Variants in KIF18A observed in about 807,000 individuals in gnomAD.
The protein encoded by KIF18A is kinesin-like protein KIF18A.
KIF18A carries 67 observed loss-of-function variants against 103.3 expected under a neutral mutation model. That is an observed-to-expected ratio of 0.65 (90% CI 0.53 to 0.79). The LOEUF is 0.79. KIF18A is among the 30% of genes least tolerant of loss of function. The probability of loss-of-function intolerance (pLI) is 0.00; values close to 1 mark genes in which losing one functional copy is unlikely to be tolerated. For synonymous variants in KIF18A, 367 were observed against 355.5 expected (o/e 1.03, Z -0.36); for missense variants, 1,032 against 1,062.5 (o/e 0.97, Z 0.40).
chr11:28,077,053 C>T lies in KIF18A; in HGVS notation c.1379G>A (p.Cys460Tyr), dbSNP rs542305664. Residue 460 changes from cysteine to tyrosine, a missense_variant, in exon 10 of 17, where the codon TGC becomes TAC. Transcript: ENST00000263181. The part of the protein sequence containing the change: ...NELKSFYQQQ[C>Y]HKQIEMMCSE... ...ACACATCATTTCTATTTGTTTATGGCACTGTTGTTGGTAGAATGATTTAAG... is the reference window on the plus strand; with the variant it reads ...ACACATCATTTCTATTTGTTTATGGTACTGTTGTTGGTAGAATGATTTAAG... 17 of 1,572,424 alleles carry T rather than the reference C, an allele frequency of 1.1e-5. No homozygotes were observed. In the South Asian group the frequency reaches 1.9e-4, roughly 17 times the overall value.
chr11:28,059,657 CTT>C (rs1850833804), intron 12 of KIF18A, among the ~76,000 whole-genome samples: 1 of 151,986 alleles, frequency 6.6e-6, no homozygotes, highest in Non-Finnish European at 1.5e-5. Context: ...GTCTCAAACA[CTT>C]AGCCTCAAGA....
intron 13 of KIF18A, among the ~76,000 whole-genome samples, chr11:28,047,263 C>G (rs1473988243): frequency 6.6e-6 from 1 of 151,888 alleles, no homozygotes; most frequent in African/African-American, 2.4e-5. Flanking sequence ...AAACCAAATG[C>G]TTGGTTTTAG....
At chr11:28,055,856 A>G (rs376815217) in intron 13 of KIF18A, among the ~76,000 whole-genome samples, 1 of 152,332 alleles carries the variant, frequency 6.6e-6, no homozygotes, top group African/African-American at 2.4e-5. Flanking sequence ...CAGTCTAAAC[A>G]GATCCAGTGG....
chr11:28,079,580 T>C (rs1851137297), intron 9 of KIF18A, among the ~76,000 whole-genome samples: 1 of 152,110 alleles, frequency 6.6e-6, no homozygotes, highest in Admixed American at 6.6e-5. Context: ...TCCAAAACAG[T>C]ATGAATAACC....
chr11:28,076,219 T>C (rs1400331012), intron 10 of KIF18A, among the ~76,000 whole-genome samples: 1 of 152,114 alleles, frequency 6.6e-6, no homozygotes. Context: ...AAAAAAATAG[T>C]AAAACTGATT....
intron 1 of KIF18A, among the ~76,000 whole-genome samples, 162 bp downstream of exon 1, chr11:28,107,902 C>T (rs1220432462): frequency 6.6e-6 from 1 of 152,148 alleles, no homozygotes; most frequent in Non-Finnish European, 1.5e-5. Flanking sequence ...TTCTCGAATC[C>T]CTTTTTCCTT....
At chr11:28,088,449 AATC>A (rs1851259918) in intron 6 of KIF18A, 72 bp downstream of exon 6, 1 of 1,271,064 alleles carries the variant, frequency 7.9e-7, no homozygotes, top group Admixed American at 1.9e-5. Context: ...TTTAAAACAA[AATC>A]ATATTAAATA....
intron 2 of KIF18A, among the ~76,000 whole-genome samples, chr11:28,096,482 G>T (rs1851375270): frequency 6.6e-6 from 1 of 152,120 alleles, no homozygotes; most frequent in Non-Finnish European, 1.5e-5. Flanking sequence ...TAAAGACAGG[G>T]TAAGAATATA....
At chr11:28,053,802 G>A (rs1850742781) in intron 13 of KIF18A, among the ~76,000 whole-genome samples, 1 of 151,798 alleles carries the variant, frequency 6.6e-6, no homozygotes, top group Admixed American at 6.6e-5. Context: ...GAGCTGATAA[G>A]TTTTAAAGTT....
At chr11:28,073,420 T>C (rs1457295129) in intron 10 of KIF18A, among the ~76,000 whole-genome samples, 2 of 152,240 alleles carry the variant, frequency 1.3e-5, no homozygotes, top group South Asian at 2.1e-4. Context: ...AGTCACTGCT[T>C]ACTTTTCTGA....
rs572828691 is a variant in KIF18A at position 28,065,156 on chromosome 11, T to C, written c.1591-2640A>G. Among the ~76,000 whole-genome samples, 6 of 152,120 alleles carry C rather than the reference T, an allele frequency of 3.9e-5. No homozygotes were observed. In the East Asian group the frequency reaches 9.7e-4, roughly 24 times the overall value. On this transcript the variant is annotated intron_variant, in intron 11 of 16. Transcript: ENST00000263181. ...ATTCAGAATATTGAAGAGTAAATAA[T>C]GCAGGAGAGTACAGAGAAAACAGCA...
At chr11:28,100,724 A>G (rs1261990969) in intron 1 of KIF18A, among the ~76,000 whole-genome samples, 3 of 152,164 alleles carry the variant, frequency 2.0e-5, no homozygotes, top group Non-Finnish European at 4.4e-5. Context: ...TAGATGCTAG[A>G]CATATCTTTG....
chr11:28,040,210 T>C (rs191377934), intron 13 of KIF18A, among the ~76,000 whole-genome samples: 1 of 151,722 alleles, frequency 6.6e-6, no homozygotes, highest in East Asian at 1.9e-4. Context: ...ATAAAGAACT[T>C]TATGTGGGTA....
At chr11:28,027,509 T>C (rs767742364) in intron 15 of KIF18A, among the ~76,000 whole-genome samples, 19 of 151,878 alleles carry the variant, frequency 1.3e-4, no homozygotes, top group Non-Finnish European at 2.2e-4. Context: ...TTCCCTATTC[T>C]TTCTCTCACT....
chr11:28,063,204 A>T (rs1240119627), intron 11 of KIF18A, among the ~76,000 whole-genome samples: 1 of 152,066 alleles, frequency 6.6e-6, no homozygotes, highest in Non-Finnish European at 1.5e-5. Flanking sequence ...ATGCTACCTT[A>T]AGTTGAATAT....
chr11:28,103,089 T>G (rs181950980), intron 1 of KIF18A, among the ~76,000 whole-genome samples: 4 of 152,272 alleles, frequency 2.6e-5, no homozygotes, highest in Admixed American at 2.6e-4. Context: ...TGGTATTTAC[T>G]GAACAGAATC....
chr11:28,093,151 T>A (rs928459834), intron 3 of KIF18A, among the ~76,000 whole-genome samples: 1 of 152,068 alleles, frequency 6.6e-6, no homozygotes, highest in Non-Finnish European at 1.5e-5. Flanking sequence ...AAAGAAAAAA[T>A]AAAAATTGTG....
intron 7 of KIF18A, among the ~76,000 whole-genome samples, chr11:28,083,915 G>T (rs561431883): frequency 2.0e-5 from 3 of 152,054 alleles, no homozygotes; most frequent in Non-Finnish European, 4.4e-5. Flanking sequence ...CTCATCTTCA[G>T]ACACTTAAGG....
At chr11:28,068,673 A>C (rs1056781948) in intron 11 of KIF18A, among the ~76,000 whole-genome samples, 2 of 152,210 alleles carry the variant, frequency 1.3e-5, no homozygotes, top group South Asian at 4.1e-4. Context: ...ATGAAACAGT[A>C]ATATTACAAT....
Sources: allele counts gnomAD v4.1 joint callset (sites outside exome capture counted in the v4.1 genomes callset), GRCh38; gene constraint gnomAD v4.1.1; transcripts MANE v1.5; gene names NCBI Gene and HGNC (gene_info 2026-07-23, HGNC 2026-07-21).